Variants in TTBK2 observed in about 807,000 individuals in gnomAD.
The protein encoded by TTBK2 is tau-tubulin kinase 2.
A neutral mutation model predicts 110.8 loss-of-function variants in TTBK2; 28 were observed. The observed-to-expected ratio is 0.25, with a 90% CI of 0.19 to 0.35. The LOEUF (loss-of-function observed/expected upper bound fraction) is 0.35, where lower values mean the gene tolerates loss of function less well. TTBK2 is among the 10% of genes least tolerant of loss of function. The pLI is 1.00. For synonymous variants in TTBK2, 532 were observed against 527.3 expected (o/e 1.01, Z -0.12); for missense variants, 1,369 against 1,500.3 (o/e 0.91, Z 1.45).
intron 3 of TTBK2, among the ~76,000 whole-genome samples, chr15:42,861,658 A>G (rs1359795220): frequency 6.6e-6 from 1 of 152,156 alleles, no homozygotes; most frequent in Non-Finnish European, 1.5e-5. Flanking sequence ...TCTAAAATTA[A>G]CAATCTAATA....
At chr15:42,751,832 C>G in intron 14 of TTBK2, 142 bp downstream of exon 14, 1 of 992,484 alleles carries the variant, frequency 1.0e-6, no homozygotes, top group Non-Finnish European at 1.6e-6. Flanking sequence ...TTCTACTGCA[C>G]TAGGCTGTAA....
chr15:42,885,221 C>T (rs541808592), intron 1 of TTBK2, among the ~76,000 whole-genome samples: 8 of 152,320 alleles, frequency 5.3e-5, no homozygotes, highest in African/African-American at 1.4e-4. Flanking sequence ...AGGACTCCTT[C>T]GGGAGACCAG....
intron 1 of TTBK2, among the ~76,000 whole-genome samples, chr15:42,886,198 C>T (rs189627511): frequency 1.1e-4 from 17 of 152,158 alleles, no homozygotes; most frequent in Admixed American, 4.6e-4. Flanking sequence ...CCCCAGGCTG[C>T]TCCTCGCCAG....
chr15:42,751,102 G>A (rs2061859415), intron 14 of TTBK2, among the ~76,000 whole-genome samples: 1 of 152,002 alleles, frequency 6.6e-6, no homozygotes, highest in Admixed American at 6.6e-5. Flanking sequence ...GAAATGAAAG[G>A]GCGCCACACA....
intron 1 of TTBK2, among the ~76,000 whole-genome samples, chr15:42,917,918 A>C (rs2031168700): frequency 6.6e-6 from 1 of 152,094 alleles, no homozygotes; most frequent in Non-Finnish European, 1.5e-5. Context: ...GTAAAAGAAT[A>C]TTTCCTATAG....
chr15:42,820,225 A>G (rs1892233687), intron 6 of TTBK2, among the ~76,000 whole-genome samples: 1 of 152,244 alleles, frequency 6.6e-6, no homozygotes, highest in African/African-American at 2.4e-5. Flanking sequence ...TATTTAATGT[A>G]GTAAAGACAA....
At chr15:42,858,229 T>C (rs1894022033) in intron 3 of TTBK2, among the ~76,000 whole-genome samples, 1 of 152,170 alleles carries the variant, frequency 6.6e-6, no homozygotes. Context: ...ACAGATTCTC[T>C]GACTAGAAAC....
intron 1 of TTBK2, among the ~76,000 whole-genome samples, chr15:42,902,642 C>A (rs74965029): frequency 6.6e-6 from 1 of 152,136 alleles, no homozygotes; most frequent in African/African-American, 2.4e-5. Context: ...TTCTGCATTG[C>A]TGGTGGGAAT....
chr15:42,866,647 C>T (rs1894383609), intron 3 of TTBK2, among the ~76,000 whole-genome samples: 1 of 152,090 alleles, frequency 6.6e-6, no homozygotes. Flanking sequence ...TTCACCAAGA[C>T]AGATCACATT....
At chr15:42,882,634 AATG>A (rs1450276720) in intron 1 of TTBK2, among the ~76,000 whole-genome samples, 1 of 151,914 alleles carries the variant, frequency 6.6e-6, no homozygotes, top group Admixed American at 6.6e-5. Flanking sequence ...TAACAATAAT[AATG>A]ATAACTAGAT....
At chr15:42,899,291 C>G (rs1383264970) in intron 1 of TTBK2, among the ~76,000 whole-genome samples, 1 of 151,888 alleles carries the variant, frequency 6.6e-6, no homozygotes, top group Non-Finnish European at 1.5e-5. Context: ...AGCCACTGTG[C>G]CTGGCCAATT....
intron 1 of TTBK2, among the ~76,000 whole-genome samples, chr15:42,905,032 C>T (rs1417506595): frequency 1.3e-5 from 2 of 151,920 alleles, no homozygotes; most frequent in African/African-American, 2.4e-5. Flanking sequence ...CCACCATGCC[C>T]GCCTAATTTT....
intron 4 of TTBK2, among the ~76,000 whole-genome samples, chr15:42,833,511 C>T (rs1228719785): frequency 6.6e-6 from 1 of 152,088 alleles, no homozygotes; most frequent in Non-Finnish European, 1.5e-5. Flanking sequence ...CATATCCTCT[C>T]CCCTCCCACC....
intron 1 of TTBK2, among the ~76,000 whole-genome samples, chr15:42,903,741 G>A (rs1277104344): frequency 6.6e-6 from 1 of 152,096 alleles, no homozygotes; most frequent in African/African-American, 2.4e-5. Flanking sequence ...CTTAAGTGTG[G>A]GCTGTATTTA....
At chr15:42,800,423 C>T in intron 9 of TTBK2, 1 of 309,486 alleles carries the variant, frequency 3.2e-6, no homozygotes, top group East Asian at 1.0e-4. Flanking sequence ...CAATCAATAA[C>T]TGTATCATAT....
intron 10 of TTBK2, among the ~76,000 whole-genome samples, chr15:42,793,565 T>C (rs768832276): frequency 1.4e-5 from 2 of 147,552 alleles, no homozygotes; most frequent in Non-Finnish European, 3.0e-5. Context: ...AAAAAAAAAA[T>C]CAGGCCGGCG....
At chr15:42,801,765 C>G (rs1239301873) in intron 9 of TTBK2, 1 of 821,074 alleles carries the variant, frequency 1.2e-6, no homozygotes, top group Non-Finnish European at 2.1e-6. Context: ...TGGCAGTCAG[C>G]TCTTTCAGGG....
intron 4 of TTBK2, among the ~76,000 whole-genome samples, chr15:42,835,711 T>G (rs1236037373): frequency 3.3e-5 from 5 of 152,126 alleles, no homozygotes; most frequent in Non-Finnish European, 5.9e-5. Flanking sequence ...ATTAAGGAAT[T>G]ATTATTAGGT....
intron 10 of TTBK2, among the ~76,000 whole-genome samples, chr15:42,791,416 T>C (rs1021743488): frequency 6.6e-6 from 1 of 152,254 alleles, no homozygotes; most frequent in Admixed American, 6.5e-5. Flanking sequence ...ACCTGACTGT[T>C]ATTTCTTCTC....
Sources: gnomAD v4.1 joint callset for allele counts (sites outside exome capture counted in the v4.1 genomes callset) on GRCh38, gnomAD v4.1.1 for gene constraint, MANE v1.5 for transcripts, NCBI Gene and HGNC (gene_info 2026-07-23, HGNC 2026-07-21) for gene names.